SCN9A: variants seen among roughly 807,000 people sequenced by gnomAD.
The protein encoded by SCN9A is sodium voltage-gated channel alpha subunit 9.
In SCN9A, 131 loss-of-function variants were observed where a neutral mutation model predicts 187.0. That is an observed-to-expected ratio of 0.70 (90% CI 0.61 to 0.81). SCN9A has a LOEUF of 0.81. SCN9A is among the 30% of genes least tolerant of loss of function. The probability of loss-of-function intolerance (pLI) is 0.00; values close to 1 mark genes in which losing one functional copy is unlikely to be tolerated. For missense variants in SCN9A, 2,252 were observed against 2,396.6 expected (o/e 0.94, Z 1.26); for synonymous variants, 809 against 808.6 (o/e 1.00, Z -0.01).
rs564030746 is a variant in SCN9A, at chr2:166,372,706, T to C, written c.-51+2991A>G. On this transcript the variant is annotated intron_variant, in intron 1 of 26. Coordinates refer to ENST00000642356, the MANE Select transcript of SCN9A (RefSeq NM_001365536.1). Reference sequence around the variant, plus strand: ...ACCATGATATTGTAAAAATACTAAATGCTTGACAAATAAAAAATAGAATCA... The same window carrying C: ...ACCATGATATTGTAAAAATACTAAACGCTTGACAAATAAAAAATAGAATCA... Among the ~76,000 whole-genome samples the C allele has an allele frequency of 5.3e-5, 8 of 152,298 alleles. No individual in the cohort carries two copies. In the South Asian group the frequency reaches 1.7e-3, roughly 32 times the overall value.
intron 2 of SCN9A, among the ~76,000 whole-genome samples, chr2:166,307,467 A>G (rs539238807): frequency 2.6e-5 from 4 of 152,350 alleles, no homozygotes; most frequent in East Asian, 1.9e-4. Flanking sequence ...TAATATTTTT[A>G]TCATAAAACC....
At chr2:166,327,574 A>G (rs916713304) in intron 1 of SCN9A, among the ~76,000 whole-genome samples, 5 of 152,208 alleles carry the variant, frequency 3.3e-5, no homozygotes, top group African/African-American at 1.2e-4. Context: ...AATGATGACC[A>G]TATTATTTGT....
intron 1 of SCN9A, among the ~76,000 whole-genome samples, chr2:166,351,850 CTCA>C (rs952040705): frequency 3.6e-4 from 55 of 152,164 alleles, no homozygotes; most frequent in African/African-American, 1.3e-3. Flanking sequence ...TACCATGAAG[CTCA>C]TCATCATCAA....
At chr2:166,304,158 C>T (rs1397468276) in intron 6 of SCN9A, 80 bp downstream of exon 6, 2 of 1,611,862 alleles carry the variant, frequency 1.2e-6, no homozygotes, top group African/African-American at 1.3e-5. Context: ...AGTGACGACA[C>T]ACACACAAAC....
chr2:166,358,278 C>T (rs2105310124), intron 1 of SCN9A, among the ~76,000 whole-genome samples: 1 of 152,052 alleles, frequency 6.6e-6, no homozygotes, highest in Admixed American at 6.6e-5. Flanking sequence ...CCATGTTGGC[C>T]AGGCTGGTCT....
At chr2:166,355,438 G>T (rs938155518) in intron 1 of SCN9A, among the ~76,000 whole-genome samples, 1 of 151,542 alleles carries the variant, frequency 6.6e-6, no homozygotes, top group African/African-American at 2.4e-5. Flanking sequence ...GTTCTTCTTT[G>T]GTCAGTGTCT....
intron 1 of SCN9A, among the ~76,000 whole-genome samples, chr2:166,338,620 TATG>T (rs1241718866): frequency 2.0e-5 from 3 of 152,196 alleles, no homozygotes; most frequent in African/African-American, 4.8e-5. Flanking sequence ...TTAACACCAG[TATG>T]ATATTACTAT....
chr2:166,275,057 C>T (rs973085411), intron 16 of SCN9A, among the ~76,000 whole-genome samples: 2 of 152,130 alleles, frequency 1.3e-5, no homozygotes. Flanking sequence ...CTAAATAATA[C>T]CTAAACAATG....
At chr2:166,289,222 T>A (rs1046703819) in intron 9 of SCN9A, among the ~76,000 whole-genome samples, 1 of 152,028 alleles carries the variant, frequency 6.6e-6, no homozygotes, top group Non-Finnish European at 1.5e-5. Flanking sequence ...TTTTTTCTTT[T>A]TTTTGGCATA....
At chr2:166,228,643 G>A (rs200873030) in intron 22 of SCN9A, 48 bp downstream of exon 22, 34 of 1,417,602 alleles carry the variant, frequency 2.4e-5, no homozygotes, top group Middle Eastern at 1.8e-4. Context: ...TATATCCTTC[G>A]TCCAATATCT....
chr2:166,284,952 T>C, intron 11 of SCN9A, 128 bp from the exon 12 acceptor site: 1 of 977,792 alleles, frequency 1.0e-6, no homozygotes. Flanking sequence ...GAAACATACT[T>C]AAAAACGAAG....
At chr2:166,233,085 C>T (rs1202942761) in intron 21 of SCN9A, among the ~76,000 whole-genome samples, 1 of 145,842 alleles carries the variant, frequency 6.9e-6, no homozygotes, top group Non-Finnish European at 1.5e-5. Context: ...ATATAATATG[C>T]ATATATATAC....
chr2:166,280,643 AC>A (rs1697443267), intron 13 of SCN9A, 48 bp from the exon 14 acceptor site: 1 of 1,055,400 alleles, frequency 9.5e-7, no homozygotes, highest in African/African-American at 1.6e-5. Context: ...TGTCTGTTTC[AC>A]TCCTAACCAG....
At position 166,198,893 on chromosome 2, in the gene SCN9A, A is replaced by G. The variant is rs769712540; in HGVS notation, c.5746T>C (p.Tyr1916His). Residue 1916 changes from tyrosine to histidine, a missense_variant, in exon 27 of 27, where the codon TAC becomes CAC. Transcript: ENST00000642356. ...TCATCTCTGTCTCCATCTTTTATGT[A>G]TATACTTGATATATTTTTGACATTT... ...RQNVKNISSI[Y>H]IKDGDRDDDL... 2 of 1,613,458 alleles carry G rather than the reference A, an allele frequency of 1.2e-6. No individual in the cohort carries two copies. The highest frequency in any genetic ancestry group is 2.2e-5 in the South Asian group (2 of 91,084).
chr2:166,369,012 T>A (rs1700488289), intron 1 of SCN9A, among the ~76,000 whole-genome samples: 1 of 152,020 alleles, frequency 6.6e-6, no homozygotes, highest in Non-Finnish European at 1.5e-5. Flanking sequence ...GAATGCATTT[T>A]GATTATAATA....
Position 166,199,697 on chromosome 2 carries a change from C to T in SCN9A, c.4942G>A (p.Gly1648Ser), listed in dbSNP as rs1231385530. 3 of 1,614,010 alleles carry T rather than the reference C, an allele frequency of 1.9e-6. No individual in the cohort carries two copies. The highest frequency in any genetic ancestry group is 1.7e-5 in the Admixed American group (1 of 59,998). ...MMSLPALFNI[G>S]LLLFLVMFIY... ...AACATGACCAGGAAGAGCAGGAGGC[C>T]GATGTTAAACAACGCAGGAAGGGAC... Residue 1648 changes from glycine (G) to serine (S), a missense_variant, in exon 27 of 27, where the codon GGC becomes AGC. Gly to Ser is a moderately conservative substitution (Grantham distance 56, BLOSUM62 0). Around this residue, in one of 7 missense-constraint regions of SCN9A, gnomAD observed 84 missense variants for 134.2 expected, o/e 0.63. Transcript: ENST00000642356.
intron 1 of SCN9A, among the ~76,000 whole-genome samples, chr2:166,346,239 T>C (rs1036150761): frequency 3.9e-5 from 6 of 152,186 alleles, no homozygotes; most frequent in Non-Finnish European, 5.9e-5. Context: ...AAAAATTGAA[T>C]AGATCATCAC....
intron 1 of SCN9A, among the ~76,000 whole-genome samples, chr2:166,352,352 A>G (rs1386975165): frequency 6.6e-6 from 1 of 152,184 alleles, no homozygotes; most frequent in Non-Finnish European, 1.5e-5. Context: ...AGCATTATAC[A>G]ATGTGATCTA....
At chr2:166,270,864 A>T (rs1696950034) in intron 17 of SCN9A, among the ~76,000 whole-genome samples, 2 of 152,000 alleles carry the variant, frequency 1.3e-5, no homozygotes, top group East Asian at 3.9e-4. Flanking sequence ...AGTTAAGGAG[A>T]TAGAAGATAT....
Sources: gnomAD v4.1 joint callset for allele counts (sites outside exome capture counted in the v4.1 genomes callset) on GRCh38, gnomAD v4.1.1 for gene constraint, gnomAD v4.1.1 regional missense constraint, MANE v1.5 for transcripts, NCBI Gene and HGNC (gene_info 2026-07-23, HGNC 2026-07-21) for gene names.